The following CAMK2A variants were observed in gnomAD, a reference collection of about 807,000 sequenced individuals.
The protein encoded by CAMK2A is calcium/calmodulin dependent protein kinase II alpha, also known as calcium/calmodulin-dependent protein kinase type II subunit alpha.
CAMK2A carries 7 observed loss-of-function variants against 79.2 expected under a neutral mutation model. The ratio of observed to expected loss-of-function variants is 0.09; its 90% CI spans 0.05 to 0.17. The LOEUF is 0.17. Among genes scored for constraint, CAMK2A ranks in the 10% least tolerant of loss-of-function variants. The pLI is 1.00. For missense variants in CAMK2A, 214 were observed against 646.4 expected (o/e 0.33, Z 7.25); for synonymous variants, 242 against 251.7 (o/e 0.96, Z 0.36).
At chr5:150,265,095 T>G in intron 2 of CAMK2A, 80 bp from the exon 3 acceptor site, 2 of 1,089,190 alleles carry the variant, frequency 1.8e-6, no homozygotes, top group Non-Finnish European at 2.8e-6. Flanking sequence ...AAGCCTCGTA[T>G]TATCTCCACC....
intron 15 of CAMK2A, among the ~76,000 whole-genome samples, chr5:150,232,102 T>A (rs1263611693): frequency 6.6e-6 from 1 of 152,158 alleles, no homozygotes; most frequent in African/African-American, 2.4e-5. Context: ...AGTTTTCCCA[T>A]CTGTAAAATG....
chr5:150,289,437 C>T, intron 1 of CAMK2A, 127 bp downstream of exon 1: 1 of 752,786 alleles, frequency 1.3e-6, no homozygotes, highest in Non-Finnish European at 2.3e-6. Flanking sequence ...TGCCCCCAAA[C>T]CCATGCAGCC....
At chr5:150,261,405 G>A (rs993751036) in intron 3 of CAMK2A, among the ~76,000 whole-genome samples, 2 of 152,150 alleles carry the variant, frequency 1.3e-5, no homozygotes, top group African/African-American at 4.8e-5. Flanking sequence ...CAGAGCCCAA[G>A]ATTCAAGGGC....
chr5:150,256,728 TC>T lies in CAMK2A; in HGVS notation c.338+37del, dbSNP rs1394757669. On this transcript the variant is annotated intron_variant, in intron 5 of 18. Coordinates refer to ENST00000671881, the MANE Select transcript of CAMK2A (RefSeq NM_015981.4). The surrounding 1 kb of genome is among the most constrained non-coding windows in gnomAD (Gnocchi z 4.6). ...GCTGACAGCAGGCAAGAGTGCCCTG[TC>T]CCCGGGTGCCATTGCCAGGCAGCAC... 1.2e-6 allele frequency: 2 copies of T among 1,609,994 alleles called. No individual in the cohort carries two copies. The highest frequency in any genetic ancestry group is 2.2e-5 in the East Asian group (1 of 44,854).
intron 3 of CAMK2A, 140 bp from the exon 4 acceptor site, chr5:150,257,757 G>A: frequency 1.5e-6 from 1 of 677,288 alleles, no homozygotes; most frequent in South Asian, 1.7e-5. Context: ...CAGGTGCTTT[G>A]ACAAGCGCTG....
In CAMK2A at chr5:150,289,661, G is replaced by GGGGACCAGGACTGA; in HGVS notation, c.-50_-37dup. 2.5e-6 allele frequency: 4 copies of GGGGACCAGGACTGA among 1,582,306 alleles called. No individual in the cohort carries two copies. The highest frequency in any genetic ancestry group is 3.5e-6 in the Non-Finnish European group (4 of 1,152,472). On this transcript the variant is annotated 5_prime_UTR_variant, in exon 1 of 19. Transcript: ENST00000671881. The stretch of plus-strand genomic sequence containing the variant: ...GGCAGGCAGGTGAGGCTTGGGACTG[G>GGGGACCAGGACTGA]GGGACCAGGACTGAGGCGCTGCTGC...
In CAMK2A at chr5:150,220,703, A is replaced by G. The variant is rs1754266098; in HGVS notation, c.*2007T>C. 6.6e-6 allele frequency: 1 copy of G among 150,974 alleles called. No homozygotes were observed. The highest frequency in any genetic ancestry group is 1.5e-5 in the Non-Finnish European group (1 of 67,414). 9.4% of individuals were successfully genotyped at this position (150,974 alleles called of 1,614,324 possible). A position where few individuals can be genotyped will look rare whatever the true frequency, so the allele number is the denominator to read the frequency against. On this transcript the variant is annotated 3_prime_UTR_variant, in exon 19 of 19. Transcript: ENST00000671881. ...AAGCCCTCTGGGCCTGGGGCAGGCC[A>G]AGAGCCTGCCCCTGGGCCTGGGCAG...
intron 2 of CAMK2A, among the ~76,000 whole-genome samples, chr5:150,270,979 G>A (rs1339439466): frequency 3.3e-5 from 5 of 152,136 alleles, no homozygotes; most frequent in Admixed American, 6.5e-5. Flanking sequence ...GAACTAACCC[G>A]AGATCCCCAG....
intron 1 of CAMK2A, among the ~76,000 whole-genome samples, chr5:150,273,878 C>A (rs1756850034): frequency 6.6e-6 from 1 of 152,142 alleles, no homozygotes; most frequent in South Asian, 2.1e-4. Context: ...AATGACTAGC[C>A]GTGTATGTGT....
chr5:150,238,623 G>C, intron 15 of CAMK2A, 77 bp downstream of exon 15: 1 of 1,361,706 alleles, frequency 7.3e-7, no homozygotes, highest in Admixed American at 2.0e-5. Context: ...GCACGTGGGA[G>C]CTGTCAGGAA....
At chr5:150,248,384 G>C (rs1018195124) in intron 11 of CAMK2A, among the ~76,000 whole-genome samples, 2 of 149,234 alleles carry the variant, frequency 1.3e-5, no homozygotes, top group African/African-American at 4.9e-5. Context: ...TGTGCACAAC[G>C]TGCAGGTTTG....
chr5:150,272,218 A>G (rs560874806), intron 2 of CAMK2A, among the ~76,000 whole-genome samples: 4 of 152,156 alleles, frequency 2.6e-5, no homozygotes, highest in Non-Finnish European at 5.9e-5. Flanking sequence ...CTAATCAGTA[A>G]ACAGGATGAG....
intron 1 of CAMK2A, among the ~76,000 whole-genome samples, chr5:150,287,182 C>A (rs1224831841): frequency 6.6e-6 from 1 of 152,188 alleles, no homozygotes; most frequent in Non-Finnish European, 1.5e-5. Context: ...ATCAGGGGTG[C>A]GGAATCAGTC....
At chr5:150,248,492 C>A (rs1358198082) in intron 11 of CAMK2A, among the ~76,000 whole-genome samples, 8 of 121,794 alleles carry the variant, frequency 6.6e-5, no homozygotes, top group Non-Finnish European at 1.0e-4. Context: ...CCCCTCCCCC[C>A]ACCCCACAAC....
intron 15 of CAMK2A, among the ~76,000 whole-genome samples, chr5:150,232,549 G>C (rs570920439): frequency 6.6e-6 from 1 of 152,188 alleles, no homozygotes; most frequent in Non-Finnish European, 1.5e-5. Context: ...GCCTTGCTCC[G>C]TCTCCCAGAG....
chr5:150,223,006 C>G lies in CAMK2A; in HGVS notation c.1449G>C (p.Ala483=). Residue 483 remains alanine, a synonymous_variant, in exon 18 of 19, where the codon GCG becomes GCC. Coordinates refer to ENST00000671881, the MANE Select transcript of CAMK2A (RefSeq NM_015981.4). The surrounding 1 kb of genome is among the most constrained non-coding windows in gnomAD (Gnocchi z 4.1). ...ATTCTTACTGGGGCAGGACGGAGGG[C>G]GCCCCAGATCTGTGGAAGTGGACGA... ...WQIVHFHRSG[A]PSVLPH 6.2e-7 allele frequency: 1 copy of G among 1,613,934 alleles called. No homozygotes were observed. Among genetic ancestry groups the G allele is most frequent in the Non-Finnish European group, 8.5e-7 (1 of 1,179,784 alleles).
At chr5:150,253,623 T>G in intron 6 of CAMK2A, 77 bp from the exon 7 acceptor site, 4 of 1,238,896 alleles carry the variant, frequency 3.2e-6, no homozygotes, top group South Asian at 1.2e-5. Context: ...GCCTCACCTC[T>G]AGGGGCCTGG....
chr5:150,277,096 C>T (rs1351310171), intron 1 of CAMK2A, among the ~76,000 whole-genome samples: 3 of 152,138 alleles, frequency 2.0e-5, no homozygotes, highest in Non-Finnish European at 4.4e-5. Context: ...CATCTGTGGT[C>T]CCAGCTACTC....
rs143825429 is a variant in CAMK2A at position 150,223,554 on chromosome 5, C to T, written c.1238-337G>A. Among the ~76,000 whole-genome samples, 8 of 152,270 alleles carry T rather than the reference C, an allele frequency of 5.3e-5. No homozygotes were observed. Among genetic ancestry groups the T allele is most frequent in the Non-Finnish European group, 7.4e-5 (5 of 68,020 alleles). ...AGAGCTGTGAGCACAGTCTCAAATCCGGATCCCCCCAGGTACCAGGCAGGC... is the reference window on the plus strand; with the variant it reads ...AGAGCTGTGAGCACAGTCTCAAATCTGGATCCCCCCAGGTACCAGGCAGGC... On this transcript the variant is annotated intron_variant, in intron 17 of 18. Transcript: ENST00000671881. The surrounding 1 kb of genome is among the most constrained non-coding windows in gnomAD (Gnocchi z 4.1).
Sources: allele counts gnomAD v4.1 joint callset (sites outside exome capture counted in the v4.1 genomes callset), GRCh38; gene constraint gnomAD v4.1.1; non-coding constraint Gnocchi (gnomAD v3.1); transcripts MANE v1.5; gene names NCBI Gene and HGNC (gene_info 2026-07-23, HGNC 2026-07-21).